The following AGAP1 variants were observed in gnomAD, a reference collection of about 807,000 sequenced individuals.
The protein encoded by AGAP1 is ArfGAP with GTPase domain, ankyrin repeat and PH domain 1, also known as arf-GAP with GTPase, ANK repeat and PH domain-containing protein 1.
AGAP1 carries 29 observed loss-of-function variants against 105.3 expected under a neutral mutation model. The observed-to-expected ratio is 0.28, with a 90% CI of 0.21 to 0.38. The LOEUF is 0.38. AGAP1 is among the 10% of genes least tolerant of loss of function. The pLI is 1.00. For synonymous variants in AGAP1, 509 were observed against 485.9 expected, an observed-to-expected ratio of 1.05 and a Z score of -0.63; for missense variants, 998 against 1,165.1, an observed-to-expected ratio of 0.86 and a Z score of 2.09.
rs893669387 is a variant in AGAP1 at position 235,559,282 on chromosome 2, G to A, written c.163+64433G>A. On this transcript the variant is annotated intron_variant, in intron 1 of 17. Transcript: ENST00000304032. This position sits in a 1 kb window ranked among gnomAD's most constrained non-coding sequence, Gnocchi z 5.7. ...TAGTCTTTATAAAAATACGATGAAGGGGTGATTTGGGTGTCCCAAGACTGT... is the reference window on the plus strand; with the variant it reads ...TAGTCTTTATAAAAATACGATGAAGAGGTGATTTGGGTGTCCCAAGACTGT... Among the ~76,000 whole-genome samples the A allele has an allele frequency of 6.6e-6, 1 of 152,020 alleles. No individual in the cohort carries two copies. The highest frequency in any genetic ancestry group is 6.6e-5 in the Admixed American group (1 of 15,254).
At position 235,793,893 on chromosome 2, in the gene AGAP1, T is replaced by A. The variant is rs1957117451; in HGVS notation, c.674-3866T>A. ...ATTTCCCTCTATAGAATAGAACATT[T>A]ACAGTTTGTGGATAAAGTAAATGTA... On this transcript the variant is annotated intron_variant, in intron 6 of 17. Coordinates refer to ENST00000304032, the MANE Select transcript of AGAP1 (RefSeq NM_001037131.3). The surrounding 1 kb of genome is among the most constrained non-coding windows in gnomAD (Gnocchi z 5.3). 6.6e-6 allele frequency among the ~76,000 whole-genome samples: 1 copy of A among 152,246 alleles called. No individual in the cohort carries two copies. Among genetic ancestry groups the A allele is most frequent in the South Asian group, 2.1e-4 (1 of 4,830 alleles).
chr2:235,815,082 G>A (rs966606343), intron 9 of AGAP1, among the ~76,000 whole-genome samples: 1 of 152,106 alleles, frequency 6.6e-6, no homozygotes, highest in Non-Finnish European at 1.5e-5. Context: ...TTCCACTGCT[G>A]TCCCCCTTAC....
At position 235,793,047 on chromosome 2, in the gene AGAP1, G is replaced by A. The variant is rs188102967; in HGVS notation, c.674-4712G>A. On this transcript the variant is annotated intron_variant, in intron 6 of 17. Coordinates refer to ENST00000304032, the MANE Select transcript of AGAP1 (RefSeq NM_001037131.3). The surrounding 1 kb of genome is among the most constrained non-coding windows in gnomAD (Gnocchi z 5.3). The stretch of plus-strand genomic sequence containing the variant: ...CAGCCGGAGGAGGAAAACCAGGGAC[G>A]TCAGGGTTCATGGAAGCCCGAGGAG... 5.9e-5 allele frequency among the ~76,000 whole-genome samples: 9 copies of A among 152,256 alleles called. No individual in the cohort carries two copies. Among genetic ancestry groups the A allele is most frequent in the African/African-American group, 2.2e-4 (9 of 41,550 alleles).
intron 13 of AGAP1, among the ~76,000 whole-genome samples, chr2:235,968,961 G>A (rs1471010157): frequency 6.6e-6 from 1 of 152,188 alleles, no homozygotes; most frequent in African/African-American, 2.4e-5. Context: ...AGCCAAGGTG[G>A]GCCATGCTGC....
chr2:235,649,762 A>G (rs928438709), intron 1 of AGAP1, among the ~76,000 whole-genome samples: 2 of 152,226 alleles, frequency 1.3e-5, no homozygotes, highest in African/African-American at 4.8e-5. Context: ...TGTAGGTTCT[A>G]TCACGGTAAC....
chr2:235,809,816 T>G (rs1441879250), intron 9 of AGAP1, among the ~76,000 whole-genome samples: 1 of 152,200 alleles, frequency 6.6e-6, no homozygotes, highest in East Asian at 1.9e-4. Context: ...TGGAGCCTGA[T>G]GGCCATATTC....
chr2:235,531,426 C>T (rs1943040853), intron 1 of AGAP1, among the ~76,000 whole-genome samples: 1 of 152,248 alleles, frequency 6.6e-6, no homozygotes, highest in Non-Finnish European at 1.5e-5. Flanking sequence ...TCTGTGGCTG[C>T]CTGTCCTCAT....
At chr2:235,528,270 G>A (rs1942918344) in intron 1 of AGAP1, among the ~76,000 whole-genome samples, 3 of 151,834 alleles carry the variant, frequency 2.0e-5, no homozygotes, top group African/African-American at 4.8e-5. Context: ...GCATTCCTGA[G>A]CCATGCCAGG....
intron 1 of AGAP1, among the ~76,000 whole-genome samples, chr2:235,518,186 T>C (rs1942474893): frequency 1.3e-5 from 2 of 152,192 alleles, no homozygotes; most frequent in African/African-American, 2.4e-5. Context: ...TTGGTTTCAC[T>C]GTGTTGTTTC....
chr2:235,555,049 G>A lies in AGAP1; in HGVS notation c.163+60200G>A, dbSNP rs1039586094. Among the ~76,000 whole-genome samples, 3 of 152,206 alleles carry A rather than the reference G, an allele frequency of 2.0e-5. No homozygotes were observed. The highest frequency in any genetic ancestry group is 6.5e-5 in the Admixed American group (1 of 15,280). On this transcript the variant is annotated intron_variant, in intron 1 of 17. Transcript: ENST00000304032. This position sits in a 1 kb window ranked among gnomAD's most constrained non-coding sequence, Gnocchi z 5.1. The stretch of plus-strand genomic sequence containing the variant: ...TAGAGGGTCCTGGAGAGGAGGTGGA[G>A]CAGTTGCCTTCTCAGCATCGTGGGG...
intron 1 of AGAP1, among the ~76,000 whole-genome samples, chr2:235,603,066 T>A (rs1259964785): frequency 1.3e-5 from 2 of 152,172 alleles, no homozygotes; most frequent in Non-Finnish European, 2.9e-5. Flanking sequence ...TCTTGAATTA[T>A]AGCTCCCATA....
At chr2:236,093,202 G>A (rs2059108671) in intron 16 of AGAP1, among the ~76,000 whole-genome samples, 1 of 152,144 alleles carries the variant, frequency 6.6e-6, no homozygotes, top group Admixed American at 6.6e-5. Flanking sequence ...GCACCCCTGG[G>A]GGAGAGGAAC....
intron 1 of AGAP1, among the ~76,000 whole-genome samples, chr2:235,558,068 G>T (rs1240898364): frequency 6.6e-6 from 1 of 152,308 alleles, no homozygotes; most frequent in African/African-American, 2.4e-5. Flanking sequence ...GGCACGGGCT[G>T]TGGAGAAGCG....
intron 12 of AGAP1, among the ~76,000 whole-genome samples, chr2:235,935,654 A>G (rs2052952737): frequency 6.6e-6 from 1 of 152,212 alleles, no homozygotes; most frequent in Non-Finnish European, 1.5e-5. Context: ...TTTGCAGTCA[A>G]TGAAGAGGCA....
At position 235,906,815 on chromosome 2, in the gene AGAP1, C is replaced by T. The variant is rs1032188709; in HGVS notation, c.1156-1923C>T. ...TTGTGCCTTTTCTTCTATCAGCAAA[C>T]ATCTACTTGTTGATAAACCCGTGAC... On this transcript the variant is annotated intron_variant, in intron 10 of 17. Coordinates refer to ENST00000304032, the MANE Select transcript of AGAP1 (RefSeq NM_001037131.3). The surrounding 1 kb of genome is among the most constrained non-coding windows in gnomAD (Gnocchi z 5.3). Among the ~76,000 whole-genome samples the T allele has an allele frequency of 2.0e-5, 3 of 150,354 alleles. No homozygotes were observed. The highest frequency in any genetic ancestry group is 6.6e-5 in the Admixed American group (1 of 15,198).
intron 13 of AGAP1, among the ~76,000 whole-genome samples, chr2:235,995,111 A>G (rs992081008): frequency 6.8e-6 from 1 of 147,930 alleles, no homozygotes; most frequent in Non-Finnish European, 1.5e-5. Flanking sequence ...AAGATACAAC[A>G]GTATCTTATT....
At position 235,744,912 on chromosome 2, in the gene AGAP1, A is replaced by G; in HGVS notation, c.538+73A>G. 6.5e-7 allele frequency: 1 copy of G among 1,542,580 alleles called. No individual in the cohort carries two copies. Among genetic ancestry groups the G allele is most frequent in the Non-Finnish European group, 8.8e-7 (1 of 1,140,282 alleles). On this transcript the variant is annotated intron_variant, in intron 5 of 17. Transcript: ENST00000304032. This position sits in a 1 kb window ranked among gnomAD's most constrained non-coding sequence, Gnocchi z 5.2. ...ACATATTTTCAGTATGGAGGAGTTT[A>G]AAAAATGCTTTAAAGAAGGAAAAAT...
rs555971389 is a variant in AGAP1 at position 236,012,244 on chromosome 2, C to T, written c.1646-24317C>T. On this transcript the variant is annotated intron_variant, in intron 13 of 17. Transcript: ENST00000304032. This position sits in a 1 kb window ranked among gnomAD's most constrained non-coding sequence, Gnocchi z 4.9. ...AGTGTGAAAAATGGAAGGCATAAAG[C>T]GGGCGAGGAAAGAGGCTTTCTGCAC... Among the ~76,000 whole-genome samples, 3 of 152,110 alleles carry T rather than the reference C, an allele frequency of 2.0e-5. No individual in the cohort carries two copies. The highest frequency in any genetic ancestry group is 3.9e-4 in the East Asian group (2 of 5,162).
intron 1 of AGAP1, among the ~76,000 whole-genome samples, chr2:235,501,172 G>A (rs916311086): frequency 6.6e-6 from 1 of 152,140 alleles, no homozygotes; most frequent in Admixed American, 6.5e-5. Context: ...TTGCTGTCAG[G>A]GGCATCTGTC....
Sources: gnomAD v4.1 joint callset for allele counts (sites outside exome capture counted in the v4.1 genomes callset) on GRCh38, gnomAD v4.1.1 for gene constraint, Gnocchi (gnomAD v3.1) non-coding constraint, MANE v1.5 for transcripts, NCBI Gene and HGNC (gene_info 2026-07-23, HGNC 2026-07-21) for gene names.